DKK3: variants seen among roughly 807,000 people sequenced by gnomAD.
The protein encoded by DKK3 is dickkopf Wnt signaling pathway inhibitor 3.
In DKK3, 22 loss-of-function variants were observed where a neutral mutation model predicts 33.2. The observed-to-expected ratio is 0.66, with a 90% CI of 0.47 to 0.95. DKK3 has a LOEUF of 0.95. Among genes scored for constraint, DKK3 ranks in the 40% least tolerant of loss-of-function variants. The pLI is 0.00. For synonymous variants in DKK3, 194 were observed against 188.8 expected (o/e 1.03, Z -0.23); for missense variants, 398 against 458.4 (o/e 0.87, Z 1.20).
intron 3 of DKK3, among the ~76,000 whole-genome samples, chr11:11,978,269 C>T (rs1170336443): frequency 1.3e-5 from 2 of 152,170 alleles, no homozygotes; most frequent in African/African-American, 4.8e-5. Context: ...CATCAGGGTG[C>T]CTGCTCCTGA....
intron 5 of DKK3, 77 bp downstream of exon 5, chr11:11,966,877 T>C (rs972180752): frequency 1.3e-6 from 2 of 1,570,130 alleles, no homozygotes; most frequent in Non-Finnish European, 1.7e-6. Context: ...GTGGTTGGCA[T>C]GGACGTGGCT....
At chr11:11,994,551 A>C (rs1848252062) in intron 3 of DKK3, 1 of 152,078 alleles carries the variant, frequency 6.6e-6, no homozygotes, top group Admixed American at 6.6e-5. Flanking sequence ...GTCCCTCTAG[A>C]GGTGCCGCAC....
chr11:12,002,481 T>A, intron 1 of DKK3, 44 bp from the exon 2 acceptor site: 1 of 1,591,540 alleles, frequency 6.3e-7, no homozygotes, highest in Non-Finnish European at 8.6e-7. Flanking sequence ...TTTTCTCTTG[T>A]TACAAATGGG....
chr11:11,970,107 C>A (rs1033590561), intron 3 of DKK3, among the ~76,000 whole-genome samples: 2 of 152,142 alleles, frequency 1.3e-5, no homozygotes, highest in African/African-American at 4.8e-5. Context: ...GACGTTCTTT[C>A]CAAAGCAGAA....
chr11:12,003,659 T>C (rs1344700337), intron 1 of DKK3, among the ~76,000 whole-genome samples: 1 of 152,072 alleles, frequency 6.6e-6, no homozygotes. Flanking sequence ...GAATTTCAAA[T>C]GAGAGACATA....
intron 3 of DKK3, among the ~76,000 whole-genome samples, chr11:11,996,811 C>G (rs1241218772): frequency 4.6e-5 from 7 of 152,196 alleles, no homozygotes; most frequent in African/African-American, 1.4e-4. Context: ...CACAAGGGGG[C>G]CAAGGTGTGT....
At chr11:11,972,061 C>A (rs944533234) in intron 3 of DKK3, among the ~76,000 whole-genome samples, 3 of 152,306 alleles carry the variant, frequency 2.0e-5, no homozygotes, top group African/African-American at 7.2e-5. Flanking sequence ...TGTGGTCATA[C>A]TAGAGACTTC....
rs908573976 is a variant in DKK3, at chr11:12,008,125, G to T, written c.213+245C>A. Among the ~76,000 whole-genome samples, 2 of 152,024 alleles carry T rather than the reference G, an allele frequency of 1.3e-5. No individual in the cohort carries two copies. Among genetic ancestry groups the T allele is most frequent in the African/African-American group, 2.4e-5 (1 of 41,396 alleles). ...CAGGTGGTGGCCCCAGCTACCTAGG[G>T]AGGGTCCAGTGCAGAGCCTCTCGGT... is the stretch of plus-strand genomic sequence containing the variant. On this transcript the variant is annotated intron_variant, in intron 1 of 6. Coordinates refer to ENST00000683431, the MANE Select transcript of DKK3 (RefSeq NM_001018057.2). This position sits in a 1 kb window ranked among gnomAD's most constrained non-coding sequence, Gnocchi z 4.6.
chr11:11,990,271 G>A (rs1361432246), intron 3 of DKK3, among the ~76,000 whole-genome samples: 2 of 152,166 alleles, frequency 1.3e-5, no homozygotes, highest in South Asian at 2.1e-4. Flanking sequence ...TTCTGCAGCC[G>A]ACACCATCAA....
intron 3 of DKK3, among the ~76,000 whole-genome samples, chr11:11,980,856 G>A (rs1214508390): frequency 1.3e-5 from 2 of 152,204 alleles, no homozygotes; most frequent in Non-Finnish European, 2.9e-5. Flanking sequence ...TTTTCTCTCT[G>A]AGGGGTGGTC....
At chr11:11,993,951 G>A (rs532281002) in intron 3 of DKK3, among the ~76,000 whole-genome samples, 17 of 152,204 alleles carry the variant, frequency 1.1e-4, no homozygotes, top group African/African-American at 4.1e-4. Context: ...CCCTTTGTCT[G>A]TATCCCCAAT....
upstream of DKK3, chr11:12,009,621 A>G (rs1350449463): frequency 2.0e-6 from 2 of 985,564 alleles, no homozygotes; most frequent in African/African-American, 1.7e-5. Context: ...GGTAGGGGGA[A>G]TGTTCCTCAG....
At chr11:12,000,736 C>T (rs1347489166) in intron 2 of DKK3, among the ~76,000 whole-genome samples, 4 of 150,442 alleles carry the variant, frequency 2.7e-5, no homozygotes, top group African/African-American at 9.8e-5. Context: ...CCAGGCTGGT[C>T]TCGAACTCCT....
At chr11:11,995,168 C>A (rs1027863927) in intron 3 of DKK3, among the ~76,000 whole-genome samples, 1 of 152,194 alleles carries the variant, frequency 6.6e-6, no homozygotes, top group South Asian at 2.1e-4. Context: ...CAGCCTCGAC[C>A]GCCTGGGCTC....
chr11:11,984,140 C>A (rs1339075384), intron 3 of DKK3, among the ~76,000 whole-genome samples: 2 of 152,022 alleles, frequency 1.3e-5, no homozygotes, highest in African/African-American at 2.4e-5. Context: ...ACTAGGGACC[C>A]CTTTAACACC....
intron 3 of DKK3, among the ~76,000 whole-genome samples, chr11:11,976,423 A>G (rs774512468): frequency 5.9e-5 from 9 of 152,242 alleles, no homozygotes; most frequent in Non-Finnish European, 1.0e-4. Context: ...TCCTCACACT[A>G]TCCTGTCTTC....
chr11:11,979,255 C>A (rs1847905130), intron 3 of DKK3, among the ~76,000 whole-genome samples: 3 of 152,192 alleles, frequency 2.0e-5, no homozygotes, highest in Admixed American at 2.0e-4. Context: ...CAGGAGCAGC[C>A]CCCTGACAGC....
chr11:11,979,317 A>C (rs1847906559), intron 3 of DKK3, among the ~76,000 whole-genome samples: 1 of 152,348 alleles, frequency 6.6e-6, no homozygotes, highest in African/African-American at 2.4e-5. Flanking sequence ...TCCAAACTCC[A>C]GGCTGCAAAC....
intron 3 of DKK3, among the ~76,000 whole-genome samples, chr11:11,980,959 A>G (rs999275740): frequency 1.3e-5 from 2 of 152,134 alleles, no homozygotes; most frequent in Non-Finnish European, 2.9e-5. Flanking sequence ...CAAGACCTGC[A>G]CTGAAATCAC....
Sources: gnomAD v4.1 joint callset for allele counts (sites outside exome capture counted in the v4.1 genomes callset) on GRCh38, gnomAD v4.1.1 for gene constraint, Gnocchi (gnomAD v3.1) non-coding constraint, MANE v1.5 for transcripts, NCBI Gene and HGNC (gene_info 2026-07-23, HGNC 2026-07-21) for gene names.